The following PIP4P2 variants were observed in gnomAD, a reference collection of about 807,000 sequenced individuals.
The protein encoded by PIP4P2 is type 2 phosphatidylinositol 4,5-bisphosphate 4-phosphatase.
Under a neutral mutation model 33.3 loss-of-function variants are expected in PIP4P2, and 19 were observed. The observed-to-expected ratio is 0.57, with a 90% CI of 0.40 to 0.84. PIP4P2 has a LOEUF of 0.84. PIP4P2 is among the 40% of genes least tolerant of loss of function. The pLI is 0.00. For missense variants in PIP4P2, 270 were observed against 324.7 expected (o/e 0.83, Z 1.29); for synonymous variants, 110 against 111.9 (o/e 0.98, Z 0.11).
chr8:91,004,023 A>C (rs1811735714), intron 5 of PIP4P2, among the ~76,000 whole-genome samples: 1 of 152,088 alleles, frequency 6.6e-6, no homozygotes, highest in South Asian at 2.1e-4. Context: ...GAAATAGATA[A>C]GAGGCAATTT....
intron 4 of PIP4P2, among the ~76,000 whole-genome samples, chr8:91,014,293 C>A (rs1811881707): frequency 2.6e-5 from 4 of 152,118 alleles, no homozygotes; most frequent in Non-Finnish European, 4.4e-5. Flanking sequence ...GTATCACAAT[C>A]CCAAGCTCAT....
chr8:91,005,941 C>T (rs1170786900), intron 5 of PIP4P2, among the ~76,000 whole-genome samples: 1 of 152,208 alleles, frequency 6.6e-6, no homozygotes, highest in Non-Finnish European at 1.5e-5. Context: ...TACCATAGTA[C>T]CAGCTACCAT....
chr8:91,018,690 A>T (rs2130367590), intron 3 of PIP4P2, 177 bp from the exon 4 acceptor site: 1 of 786,860 alleles, frequency 1.3e-6, no homozygotes, highest in South Asian at 1.8e-5. Context: ...TCAAAAGCAA[A>T]ATATGAGTCT....
chr8:91,004,219 C>T lies in PIP4P2; in HGVS notation c.539+4524G>A, dbSNP rs1811739269. Among the ~76,000 whole-genome samples, 2 of 152,012 alleles carry T rather than the reference C, an allele frequency of 1.3e-5. 1 individual carries two copies. The highest frequency in any genetic ancestry group is 4.2e-4 in the South Asian group (2 of 4,818). On this transcript the variant is annotated intron_variant, in intron 5 of 6. Transcript: ENST00000285419. ...GCGGAGCTGAGGGACCACTGGTGTA[C>T]GTCCCAGAGTCCAAAGGTCAGAGGG...
At chr8:91,028,363 G>C (rs749719713) in intron 1 of PIP4P2, among the ~76,000 whole-genome samples, 34 of 152,162 alleles carry the variant, frequency 2.2e-4, no homozygotes, top group Non-Finnish European at 4.4e-4. Context: ...AAAGAGACCT[G>C]AGGCTATTTA....
At chr8:91,000,484 T>C (rs775086484) in intron 5 of PIP4P2, among the ~76,000 whole-genome samples, 111 of 151,862 alleles carry the variant, frequency 7.3e-4, no homozygotes, top group Non-Finnish European at 1.2e-3. Context: ...TTTGAAAATA[T>C]ACTTATTTTA....
chr8:91,019,423 AAT>A (rs1491477547), intron 3 of PIP4P2, among the ~76,000 whole-genome samples: 1,142 of 61,138 alleles, frequency 0.019, 170 homozygotes, highest in African/African-American at 0.04. Context: ...AAAAAAAAAA[AAT>A]ATATTACCTG....
At position 90,995,545 on chromosome 8, in the gene PIP4P2, C is replaced by T. The variant is rs893685169; in HGVS notation, c.*132G>A. On this transcript the variant is annotated 3_prime_UTR_variant, in exon 7 of 7. Coordinates refer to ENST00000285419, the MANE Select transcript of PIP4P2 (RefSeq NM_018710.3). ...GCAATGAGCATTTGTTCATAAAAGA[C>T]TCCCAAAGTCTTGAAACGATTATAC... 1.1e-5 allele frequency: 13 copies of T among 1,142,298 alleles called. No homozygotes were observed. Among genetic ancestry groups the T allele is most frequent in the African/African-American group, 1.1e-4 (7 of 61,808 alleles). The allele number at this position is 1,142,298 out of a possible 1,614,324, so 70.8% of individuals were successfully genotyped here. A position where few individuals can be genotyped will look rare whatever the true frequency, so the allele number is the denominator to read the frequency against.
At chr8:91,007,890 C>A (rs1160526467) in intron 5 of PIP4P2, among the ~76,000 whole-genome samples, 1 of 152,126 alleles carries the variant, frequency 6.6e-6, no homozygotes, top group Non-Finnish European at 1.5e-5. Flanking sequence ...CCTGTGTAAC[C>A]AGCTCCAGTA....
chr8:91,038,633 GAATA>G (rs1812265071), intron 1 of PIP4P2, among the ~76,000 whole-genome samples: 1 of 152,110 alleles, frequency 6.6e-6, no homozygotes, highest in Admixed American at 6.5e-5. Context: ...ATAAATGAAT[GAATA>G]GTGGTGGTCT....
chr8:90,999,298 T>C (rs949111411), intron 5 of PIP4P2, among the ~76,000 whole-genome samples: 2 of 151,978 alleles, frequency 1.3e-5, no homozygotes, highest in African/African-American at 4.8e-5. Context: ...GAAAGGAACG[T>C]AACATTCAGA....
chr8:91,010,995 A>C (rs1247711590), intron 4 of PIP4P2, among the ~76,000 whole-genome samples: 1 of 149,410 alleles, frequency 6.7e-6, no homozygotes, highest in Non-Finnish European at 1.5e-5. Flanking sequence ...TAAAACTAAT[A>C]ATTTAATTTT....
intron 4 of PIP4P2, chr8:91,016,684 TG>T (rs1410515622): frequency 6.6e-6 from 1 of 151,880 alleles, no homozygotes; most frequent in Non-Finnish European, 1.5e-5. Context: ...TCCACCAAAA[TG>T]AAGGAATAAA....
rs927324148 is a variant in PIP4P2 at position 91,020,259 on chromosome 8, A to G, written c.260T>C (p.Ile87Thr). 3 of 1,613,558 alleles carry G rather than the reference A, an allele frequency of 1.9e-6. No homozygotes were observed. Among genetic ancestry groups the G allele is most frequent in the Non-Finnish European group, 2.5e-6 (3 of 1,179,694 alleles). Reference sequence around the variant, plus strand: ...TTTCTTGCCTGTTGGGGGGTTTTTGATTGGCTGGATAAGGGAAGAAAATGC... The same window carrying G: ...TTTCTTGCCTGTTGGGGGGTTTTTGGTTGGCTGGATAAGGGAAGAAAATGC... The part of the protein sequence containing the change: ...KCTVCNEATP[I>T]KNPPTGKKYV... Residue 87 changes from isoleucine (I) to threonine (T), a missense_variant, in exon 3 of 7, where the codon ATC becomes ACC. Physicochemically the swap from Ile to Thr is moderately conservative, Grantham distance 89. Transcript: ENST00000285419.
intron 4 of PIP4P2, 77 bp downstream of exon 4, chr8:91,018,313 A>T: frequency 6.3e-7 from 1 of 1,581,116 alleles, no homozygotes. Context: ...ACAAAACTAT[A>T]AGACTATGAG....
At chr8:91,001,360 C>T (rs1811696946) in intron 5 of PIP4P2, among the ~76,000 whole-genome samples, 1 of 151,966 alleles carries the variant, frequency 6.6e-6, no homozygotes, top group Non-Finnish European at 1.5e-5. Context: ...TGTAAGGATC[C>T]TTTTATAACC....
chr8:91,026,582 C>G (rs1175106861), intron 1 of PIP4P2, among the ~76,000 whole-genome samples: 2 of 152,116 alleles, frequency 1.3e-5, no homozygotes, highest in African/African-American at 4.8e-5. Flanking sequence ...CTCCTTGATA[C>G]CTTAGAGTAA....
intron 1 of PIP4P2, 33 bp downstream of exon 1, chr8:91,040,611 C>T: frequency 6.2e-7 from 1 of 1,608,992 alleles, no homozygotes; most frequent in South Asian, 1.1e-5. Context: ...AATCTACTTC[C>T]TTGCAAAGTA....
At chr8:91,010,145 T>G (rs527699241) in intron 4 of PIP4P2, among the ~76,000 whole-genome samples, 1 of 151,956 alleles carries the variant, frequency 6.6e-6, no homozygotes, top group Non-Finnish European at 1.5e-5. Context: ...GATATTAATA[T>G]AGATTTCTAC....
Sources: gnomAD v4.1 joint callset for allele counts (sites outside exome capture counted in the v4.1 genomes callset) on GRCh38, gnomAD v4.1.1 for gene constraint, MANE v1.5 for transcripts, NCBI Gene and HGNC (gene_info 2026-07-23, HGNC 2026-07-21) for gene names.